The following FGGY variants were observed in gnomAD, a reference collection of about 807,000 sequenced individuals.
The protein encoded by FGGY is FGGY carbohydrate kinase domain-containing protein.
Under a neutral mutation model 71.3 loss-of-function variants are expected in FGGY, and 72 were observed. The ratio of observed to expected loss-of-function variants is 1.01; its 90% CI spans 0.84 to 1.23. FGGY has a LOEUF of 1.23. FGGY is among the 50% of genes most tolerant of loss of function. FGGY has a pLI of 0.00. For missense variants in FGGY, 668 were observed against 682.3 expected, an observed-to-expected ratio of 0.98 and a Z score of 0.23; for synonymous variants, 251 against 250.3, an observed-to-expected ratio of 1.00 and a Z score of -0.02.
intron 14 of FGGY, among the ~76,000 whole-genome samples, chr1:59,747,904 G>A (rs1263496848): frequency 2.0e-5 from 3 of 152,146 alleles, no homozygotes; most frequent in Non-Finnish European, 4.4e-5. Flanking sequence ...GCTTCTTAAG[G>A]AATGGGCCTG....
intron 1 of FGGY, among the ~76,000 whole-genome samples, chr1:59,298,236 G>A (rs1304478823): frequency 6.6e-6 from 1 of 152,158 alleles, no homozygotes; most frequent in Non-Finnish European, 1.5e-5. Context: ...TGTTAATGGG[G>A]CCCTCATGCT....
chr1:59,482,933 G>A (rs1297374704), intron 6 of FGGY, among the ~76,000 whole-genome samples: 1 of 152,016 alleles, frequency 6.6e-6, no homozygotes, highest in Non-Finnish European at 1.5e-5. Flanking sequence ...TCAAACCAGA[G>A]CATACGTCAG....
At chr1:59,412,489 T>G (rs1162936563) in intron 5 of FGGY, among the ~76,000 whole-genome samples, 1 of 152,094 alleles carries the variant, frequency 6.6e-6, no homozygotes, top group Non-Finnish European at 1.5e-5. Context: ...CTATCAGTCC[T>G]CTCCTTCTCC....
intron 6 of FGGY, 151 bp downstream of exon 6, chr1:59,457,227 A>T (rs1426941849): frequency 1.6e-6 from 1 of 619,348 alleles, no homozygotes; most frequent in Non-Finnish European, 2.9e-6. Context: ...GTTAATTATG[A>T]TGGGTAGGCC....
At chr1:59,587,920 A>T (rs2096341097) in intron 8 of FGGY, among the ~76,000 whole-genome samples, 1 of 152,234 alleles carries the variant, frequency 6.6e-6, no homozygotes, top group Admixed American at 6.5e-5. Flanking sequence ...GCAGTTCCTC[A>T]CCAGCAATGG....
intron 6 of FGGY, among the ~76,000 whole-genome samples, chr1:59,460,721 G>A (rs1422848368): frequency 6.6e-6 from 1 of 152,194 alleles, no homozygotes; most frequent in Non-Finnish European, 1.5e-5. Flanking sequence ...GGATCAGGCA[G>A]CAATATTTGC....
At chr1:59,532,807 G>A (rs1484964315) in intron 7 of FGGY, among the ~76,000 whole-genome samples, 2 of 151,422 alleles carry the variant, frequency 1.3e-5, no homozygotes, top group African/African-American at 4.9e-5. Context: ...GAAAATATAA[G>A]AATTAGAAAG....
chr1:59,497,218 A>C (rs1281116459), intron 6 of FGGY, among the ~76,000 whole-genome samples: 1 of 152,216 alleles, frequency 6.6e-6, no homozygotes, highest in Non-Finnish European at 1.5e-5. Context: ...ATAGATTTAC[A>C]AATTTCCAGC....
intron 7 of FGGY, among the ~76,000 whole-genome samples, chr1:59,552,676 C>T (rs937174208): frequency 6.6e-6 from 1 of 152,148 alleles, no homozygotes; most frequent in Non-Finnish European, 1.5e-5. Context: ...CTTCCTTGGG[C>T]CCCTATAGGT....
At chr1:59,482,171 A>G (rs1025419849) in intron 6 of FGGY, among the ~76,000 whole-genome samples, 6 of 152,170 alleles carry the variant, frequency 3.9e-5, no homozygotes, top group Non-Finnish European at 5.9e-5. Flanking sequence ...ACTAAGGGTT[A>G]TATATCTCCA....
intron 1 of FGGY, among the ~76,000 whole-genome samples, chr1:59,302,654 GAGATCTACTTGAGGGTT>G (rs1222752846): frequency 6.6e-6 from 1 of 152,024 alleles, no homozygotes; most frequent in Non-Finnish European, 1.5e-5. Context: ...AACAGACACT[GAGATCTACTTGAGGGTT>G]AGATCTACTT....
chr1:59,694,732 C>T (rs2097641242), intron 14 of FGGY, among the ~76,000 whole-genome samples: 3 of 150,938 alleles, frequency 2.0e-5, no homozygotes, highest in Admixed American at 6.6e-5. Context: ...CAATGTGTTG[C>T]CCAGGCTGGA....
At chr1:59,677,705 G>A (rs1194069868) in intron 14 of FGGY, among the ~76,000 whole-genome samples, 2 of 152,186 alleles carry the variant, frequency 1.3e-5, no homozygotes, top group East Asian at 1.9e-4. Context: ...ATCAGGGGAA[G>A]GGAGACTGGA....
chr1:59,346,865 C>A (rs1033499207), intron 4 of FGGY, among the ~76,000 whole-genome samples: 1 of 150,970 alleles, frequency 6.6e-6, no homozygotes, highest in Non-Finnish European at 1.5e-5. Flanking sequence ...AGGCTGATTT[C>A]GAACTCCTGG....
At chr1:59,421,818 C>T (rs2065488332) in intron 5 of FGGY, among the ~76,000 whole-genome samples, 2 of 152,090 alleles carry the variant, frequency 1.3e-5, no homozygotes, top group African/African-American at 4.8e-5. Flanking sequence ...ACTAGACTAC[C>T]ACTCCACAGT....
intron 14 of FGGY, among the ~76,000 whole-genome samples, chr1:59,736,833 G>A (rs2098109606): frequency 6.6e-6 from 1 of 152,264 alleles, no homozygotes; most frequent in African/African-American, 2.4e-5. Context: ...GTAACAAGGA[G>A]CCGAACGTTA....
At chr1:59,477,017 T>A (rs2093295133) in intron 6 of FGGY, among the ~76,000 whole-genome samples, 1 of 152,210 alleles carries the variant, frequency 6.6e-6, no homozygotes, top group African/African-American at 2.4e-5. Context: ...TGGATTTATT[T>A]TTCCTTGTTT....
chr1:59,578,086 T>C (rs1346333381), intron 8 of FGGY, among the ~76,000 whole-genome samples: 1 of 152,044 alleles, frequency 6.6e-6, no homozygotes, highest in Non-Finnish European at 1.5e-5. Context: ...AGGTCAAGAC[T>C]AAGGAAAGAG....
At chr1:59,412,961 A>G (rs1163639998) in intron 5 of FGGY, among the ~76,000 whole-genome samples, 1 of 152,186 alleles carries the variant, frequency 6.6e-6, no homozygotes, top group Non-Finnish European at 1.5e-5. Flanking sequence ...GAGGAAGTGC[A>G]AGAGCCCTCA....
Sources: allele counts gnomAD v4.1 joint callset (sites outside exome capture counted in the v4.1 genomes callset), GRCh38; gene constraint gnomAD v4.1.1; transcripts MANE v1.5; gene names NCBI Gene and HGNC (gene_info 2026-07-23, HGNC 2026-07-21).